Variants in LRRTM4 observed in about 807,000 individuals in gnomAD.
The protein encoded by LRRTM4 is leucine-rich repeat transmembrane neuronal protein 4.
LRRTM4 carries 25 observed loss-of-function variants against 47.6 expected under a neutral mutation model. That is an observed-to-expected ratio of 0.53 (90% CI 0.38 to 0.73). The LOEUF (loss-of-function observed/expected upper bound fraction) is 0.73, where lower values mean the gene tolerates loss of function less well. LRRTM4 is among the 30% of genes least tolerant of loss of function. The pLI is 0.00. For synonymous variants in LRRTM4, 311 were observed against 269.5 expected, an observed-to-expected ratio of 1.15 and a Z score of -1.51; for missense variants, 638 against 713.4, an observed-to-expected ratio of 0.89 and a Z score of 1.20.
At chr2:77,152,265 T>C (rs1672449513) in intron 3 of LRRTM4, among the ~76,000 whole-genome samples, 2 of 152,164 alleles carry the variant, frequency 1.3e-5, no homozygotes. Flanking sequence ...GTACTTGTGT[T>C]GGAGCTACAT....
intron 3 of LRRTM4, among the ~76,000 whole-genome samples, chr2:77,295,661 A>G (rs1341268937): frequency 6.6e-6 from 1 of 152,106 alleles, no homozygotes; most frequent in East Asian, 1.9e-4. Flanking sequence ...CTTTCTGAAG[A>G]CTGAGAAAAG....
At chr2:77,086,476 A>AT (rs762359320) in intron 3 of LRRTM4, among the ~76,000 whole-genome samples, 24,705 of 131,078 alleles carry the variant, frequency 0.19, 3,097 homozygotes, top group East Asian at 0.42. Flanking sequence ...ACATATAATA[A>AT]TTTTTTTTTT....
intron 3 of LRRTM4, among the ~76,000 whole-genome samples, chr2:76,992,574 A>AGC (rs1558783545): frequency 6.6e-6 from 1 of 151,488 alleles, no homozygotes; most frequent in Non-Finnish European, 1.5e-5. Flanking sequence ...CCAAGCAGGT[A>AGC]AAAGATCTGC....
At chr2:77,307,379 T>A (rs757415743) in intron 3 of LRRTM4, among the ~76,000 whole-genome samples, 3 of 151,300 alleles carry the variant, frequency 2.0e-5, no homozygotes, top group Admixed American at 6.6e-5. Flanking sequence ...AATTCACACA[T>A]TCATTAAGAA....
chr2:76,964,487 A>G (rs1007302235), intron 3 of LRRTM4, among the ~76,000 whole-genome samples: 2 of 150,910 alleles, frequency 1.3e-5, no homozygotes, highest in African/African-American at 4.8e-5. Context: ...GTTGAAATTT[A>G]CCAATTGTTT....
intron 3 of LRRTM4, among the ~76,000 whole-genome samples, chr2:77,108,618 C>G (rs1671163607): frequency 7.0e-6 from 1 of 143,476 alleles, no homozygotes; most frequent in African/African-American, 2.6e-5. Context: ...GAGTCTCGCT[C>G]TGTCGCCCAG....
At chr2:77,477,901 GAAAAAGAAAGAA>G (rs1194847923) in intron 3 of LRRTM4, among the ~76,000 whole-genome samples, 2 of 71,106 alleles carry the variant, frequency 2.8e-5, no homozygotes, top group South Asian at 1.0e-3. Context: ...GAAAAAGAAA[GAAAAAGAAAGAA>G]AGAAAGAAAG....
At chr2:77,417,574 G>A (rs896519119) in intron 3 of LRRTM4, among the ~76,000 whole-genome samples, 1 of 152,148 alleles carries the variant, frequency 6.6e-6, no homozygotes, top group Non-Finnish European at 1.5e-5. Context: ...AAAATATGAT[G>A]AGTTCATGTC....
intron 3 of LRRTM4, among the ~76,000 whole-genome samples, chr2:76,907,088 T>G (rs947791535): frequency 3.3e-5 from 5 of 151,828 alleles, no homozygotes; most frequent in Non-Finnish European, 7.4e-5. Flanking sequence ...ACCACATAGT[T>G]GGAAGTAAAG....
At chr2:77,337,575 T>G (rs576704806) in intron 3 of LRRTM4, among the ~76,000 whole-genome samples, 1 of 152,152 alleles carries the variant, frequency 6.6e-6, no homozygotes, top group East Asian at 1.9e-4. Context: ...GGTGGTTTTA[T>G]AAAGGGCTCT....
intron 3 of LRRTM4, among the ~76,000 whole-genome samples, chr2:76,815,033 G>A (rs1191573085): frequency 2.0e-5 from 3 of 152,118 alleles, no homozygotes; most frequent in Non-Finnish European, 4.4e-5. Context: ...GAGAAGCGGA[G>A]ACGTGTGTGG....
intron 3 of LRRTM4, among the ~76,000 whole-genome samples, chr2:77,035,686 G>C (rs2104156942): frequency 6.6e-6 from 1 of 151,842 alleles, no homozygotes; most frequent in Admixed American, 6.6e-5. Flanking sequence ...TAATTCTCTG[G>C]ACATCTAGGC....
Position 77,460,775 on chromosome 2 carries a change from A to T in LRRTM4, c.1551+57543T>A, listed in dbSNP as rs1362146713. On this transcript the variant is annotated intron_variant, in intron 3 of 3. Coordinates refer to ENST00000409884, the MANE Select transcript of LRRTM4 (RefSeq NM_001134745.3). ...TGGTTCTCTATTACTAAGTTTTAAA[A>T]CAAAAGGTAAGGACAGATATAAAAG... 3.3e-5 allele frequency among the ~76,000 whole-genome samples: 5 copies of T among 151,852 alleles called. No homozygotes were observed. In the East Asian group the frequency reaches 5.9e-4, roughly 18 times the overall value.
chr2:77,025,679 A>G (rs962274937), intron 3 of LRRTM4, among the ~76,000 whole-genome samples: 2 of 152,210 alleles, frequency 1.3e-5, no homozygotes, highest in Non-Finnish European at 2.9e-5. Context: ...AGTGATGACA[A>G]AAACAAAAAT....
chr2:77,396,220 T>C (rs1423229480), intron 3 of LRRTM4, among the ~76,000 whole-genome samples: 1 of 151,944 alleles, frequency 6.6e-6, no homozygotes, highest in Admixed American at 6.6e-5. Flanking sequence ...TGTATGTATG[T>C]GTGTGTTTAC....
chr2:77,487,949 C>A (rs1443786782), intron 3 of LRRTM4, among the ~76,000 whole-genome samples: 1 of 152,144 alleles, frequency 6.6e-6, no homozygotes, highest in Non-Finnish European at 1.5e-5. Context: ...CTCAATCACC[C>A]TCCAGTTGTC....
In LRRTM4 at chr2:77,394,124, A is replaced by T. The variant is rs576004610; in HGVS notation, c.1551+124194T>A. Among the ~76,000 whole-genome samples the T allele has an allele frequency of 2.4e-4, 37 of 152,086 alleles. 1 individual carries two copies. The highest frequency in any genetic ancestry group is 7.9e-4 in the African/African-American group (33 of 41,526). ...CTGTAGGTTTATTTATGCAACTCAA[A>T]ATTTTACATCAAGAATCACAGAATA... On this transcript the variant is annotated intron_variant, in intron 3 of 3. Coordinates refer to ENST00000409884, the MANE Select transcript of LRRTM4 (RefSeq NM_001134745.3).
chr2:77,432,390 C>T (rs1378157263), intron 3 of LRRTM4, among the ~76,000 whole-genome samples: 5 of 152,136 alleles, frequency 3.3e-5, no homozygotes, highest in South Asian at 2.1e-4. Flanking sequence ...AACATTCAGA[C>T]GAAAGCAGTA....
intron 3 of LRRTM4, among the ~76,000 whole-genome samples, chr2:77,394,879 G>C (rs79003143): frequency 0.014 from 2,111 of 151,990 alleles, 55 homozygotes; most frequent in African/African-American, 0.048. Context: ...AGTGAAATCC[G>C]TCTCTTGTCC....
Sources: allele counts gnomAD v4.1 joint callset (sites outside exome capture counted in the v4.1 genomes callset), GRCh38; gene constraint gnomAD v4.1.1; transcripts MANE v1.5; gene names NCBI Gene and HGNC (gene_info 2026-07-23, HGNC 2026-07-21).